LOC128092253: variants seen among roughly 807,000 people sequenced by gnomAD.
the LOC128092253 span, among the ~76,000 whole-genome samples, chr6:133,970,176 T>C: frequency 6.6e-6 from 1 of 152,352 alleles, no homozygotes; most frequent in East Asian, 1.9e-4. Flanking sequence ...GTCAATTTTC[T>C]TTTTTATTCA....
the LOC128092253 span, among the ~76,000 whole-genome samples, chr6:133,963,595 A>AT: frequency 1.3e-5 from 2 of 151,940 alleles, no homozygotes; most frequent in African/African-American, 2.4e-5. Flanking sequence ...TAATTTTTGT[A>AT]TTTTTTTGTC....
the LOC128092253 span, among the ~76,000 whole-genome samples, chr6:133,972,087 C>T: frequency 2.6e-5 from 4 of 152,282 alleles, no homozygotes; most frequent in South Asian, 8.3e-4. Context: ...AGATTCCAGA[C>T]ATCAAGAGTC....
At chr6:133,959,591 C>T in the LOC128092253 span, among the ~76,000 whole-genome samples, 1 of 152,276 alleles carries the variant, frequency 6.6e-6, no homozygotes, top group African/African-American at 2.4e-5. Context: ...AAGCAATTCT[C>T]CTGCCTCAGC....
chr6:133,969,668 G>A, the LOC128092253 span, among the ~76,000 whole-genome samples: 1 of 152,084 alleles, frequency 6.6e-6, no homozygotes, highest in Admixed American at 6.6e-5. Flanking sequence ...CTATAAAAAT[G>A]CCAACCCTGT....
the LOC128092253 span, among the ~76,000 whole-genome samples, chr6:133,964,527 T>C: frequency 6.6e-6 from 1 of 151,290 alleles, no homozygotes; most frequent in Admixed American, 6.6e-5. Context: ...CTTGGCTCAC[T>C]GCAAGCTCCG....
the LOC128092253 span, among the ~76,000 whole-genome samples, chr6:133,972,820 C>T: frequency 6.6e-6 from 1 of 152,118 alleles, no homozygotes; most frequent in East Asian, 1.9e-4. Flanking sequence ...ATTTAATGAA[C>T]ACATACTGTA....
the LOC128092253 span, among the ~76,000 whole-genome samples, chr6:133,966,824 G>GTAC: frequency 1.3e-5 from 2 of 149,708 alleles, no homozygotes; most frequent in Admixed American, 1.3e-4. Flanking sequence ...TCAAACCACA[G>GTAC]TACTACCACT....
the LOC128092253 span, among the ~76,000 whole-genome samples, chr6:133,969,342 T>G: frequency 6.6e-6 from 1 of 151,712 alleles, no homozygotes; most frequent in Non-Finnish European, 1.5e-5. Context: ...CCTTGTAGCT[T>G]TCTTAATATA....
At chr6:133,963,747 C>G in the LOC128092253 span, among the ~76,000 whole-genome samples, 1 of 150,642 alleles carries the variant, frequency 6.6e-6, no homozygotes, top group Admixed American at 6.6e-5. Context: ...TCGTTAAGAA[C>G]CGGCCTGGCG....
chr6:133,967,056 T>C, the LOC128092253 span, among the ~76,000 whole-genome samples: 1 of 152,216 alleles, frequency 6.6e-6, no homozygotes, highest in Non-Finnish European at 1.5e-5. Flanking sequence ...TCTAGCCTAG[T>C]CTTATGCCAC....
chr6:133,954,391 C>T, the LOC128092253 span, among the ~76,000 whole-genome samples: 1 of 152,226 alleles, frequency 6.6e-6, no homozygotes, highest in African/African-American at 2.4e-5. Flanking sequence ...AAGGTTCAGC[C>T]ATCCTGGCAT....
chr6:133,976,997 T>A, the LOC128092253 span, among the ~76,000 whole-genome samples: 1 of 151,440 alleles, frequency 6.6e-6, no homozygotes, highest in Non-Finnish European at 1.5e-5. Context: ...AAAAAGAAAT[T>A]GAGATTTGTC....
At chr6:133,979,039 G>T in the LOC128092253 span, among the ~76,000 whole-genome samples, 1 of 152,072 alleles carries the variant, frequency 6.6e-6, no homozygotes, top group African/African-American at 2.4e-5. Context: ...TAAAAACTGG[G>T]GCTTGTTTGT....
the LOC128092253 span, among the ~76,000 whole-genome samples, chr6:133,979,584 A>G: frequency 6.6e-6 from 1 of 152,208 alleles, no homozygotes; most frequent in African/African-American, 2.4e-5. Flanking sequence ...AGATTTTGAA[A>G]TATATTAGAT....
the LOC128092253 span, among the ~76,000 whole-genome samples, chr6:133,971,978 G>T: frequency 6.6e-6 from 1 of 152,126 alleles, no homozygotes; most frequent in Non-Finnish European, 1.5e-5. Context: ...AAAAGGTAAA[G>T]CAGTAATACA....
chr6:133,977,855 C>G, the LOC128092253 span, among the ~76,000 whole-genome samples: 4 of 152,192 alleles, frequency 2.6e-5, no homozygotes, highest in Non-Finnish European at 5.9e-5. Context: ...GCTACTTGAG[C>G]TCTAGCTCTC....
the LOC128092253 span, among the ~76,000 whole-genome samples, chr6:133,964,694 C>T: frequency 6.6e-5 from 10 of 152,050 alleles, no homozygotes; most frequent in African/African-American, 2.2e-4. Flanking sequence ...GTGATCCACC[C>T]GCCTCAGCTT....
chr6:133,959,240 A>G, the LOC128092253 span, among the ~76,000 whole-genome samples: 2 of 152,090 alleles, frequency 1.3e-5, no homozygotes, highest in Admixed American at 6.5e-5. Flanking sequence ...GGGTTTCCCC[A>G]TGTTGGCCAG....
the LOC128092253 span, among the ~76,000 whole-genome samples, chr6:133,959,516 C>T: frequency 6.6e-6 from 1 of 152,128 alleles, no homozygotes; most frequent in South Asian, 2.1e-4. Context: ...GAGTCTCACT[C>T]TGTCGCCCAG....
Sources: allele counts gnomAD v4.1 joint callset (sites outside exome capture counted in the v4.1 genomes callset), GRCh38; gene constraint gnomAD v4.1.1; transcripts MANE v1.5.